The following TFCP2 variants were observed in gnomAD, a reference collection of about 807,000 sequenced individuals.
TFCP2 encodes the protein transcription factor CP2.
TFCP2 carries 33 observed loss-of-function variants against 73.4 expected under a neutral mutation model. That is an observed-to-expected ratio of 0.45 (90% CI 0.34 to 0.60). The LOEUF (loss-of-function observed/expected upper bound fraction) is 0.60, where lower values mean the gene tolerates loss of function less well. Among genes scored for constraint, TFCP2 ranks in the 20% least tolerant of loss-of-function variants. The probability of loss-of-function intolerance (pLI) is 0.01; values close to 1 mark genes in which losing one functional copy is unlikely to be tolerated. For synonymous variants in TFCP2, 193 were observed against 211.6 expected (o/e 0.91, Z 0.76); for missense variants, 352 against 604.0 (o/e 0.58, Z 4.37).
intron 1 of TFCP2, among the ~76,000 whole-genome samples, chr12:51,160,404 G>C (rs1197662381): frequency 1.3e-5 from 2 of 151,908 alleles, no homozygotes; most frequent in African/African-American, 2.4e-5. Flanking sequence ...CAAAGGGCTG[G>C]GATTATAGGC....
chr12:51,142,545 G>A (rs1941216532), intron 1 of TFCP2, among the ~76,000 whole-genome samples: 1 of 151,900 alleles, frequency 6.6e-6, no homozygotes, highest in African/African-American at 2.4e-5. Context: ...CCTCCTCCTG[G>A]GAAAGGCTAA....
At chr12:51,140,445 C>CTTTTTTTTTTTTTTTTTTTTTTTTTTTT (rs768526922) in intron 1 of TFCP2, among the ~76,000 whole-genome samples, 55 of 88,034 alleles carry the variant, frequency 6.2e-4, no homozygotes, top group South Asian at 9.3e-4. Context: ...TTTTCTTTTT[C>CTTTTTTTTTTTTTTTTTTTTTTTTTTTT]TTTTTTTTTT....
At chr12:51,099,511 A>T in intron 12 of TFCP2, 144 bp downstream of exon 12, 1 of 1,115,114 alleles carries the variant, frequency 9.0e-7, no homozygotes, top group Non-Finnish European at 1.3e-6. Context: ...CCTGCCATGT[A>T]TTAGGAACTT....
rs550590504 is a variant in TFCP2, at chr12:51,127,036, T to C, written c.123-8264A>G. Among the ~76,000 whole-genome samples the C allele has an allele frequency of 7.9e-5, 12 of 152,306 alleles. No homozygotes were observed. The East Asian group carries it at 1.3e-3, about 17-fold the overall frequency. ...TCTCATTCAACTAAAAAGCAGCATA[T>C]ATGATTTTTAAAATTTGCCTTGCTA... On this transcript the variant is annotated intron_variant, in intron 1 of 14. Transcript: ENST00000257915.
At chr12:51,158,189 A>G (rs988704651) in intron 1 of TFCP2, among the ~76,000 whole-genome samples, 3 of 151,344 alleles carry the variant, frequency 2.0e-5, no homozygotes, top group African/African-American at 7.3e-5. Context: ...TCCTTCTTTT[A>G]TTATTTTTTG....
chr12:51,119,342 GAC>G (rs1313430775), intron 1 of TFCP2, among the ~76,000 whole-genome samples: 1 of 152,150 alleles, frequency 6.6e-6, no homozygotes, highest in Non-Finnish European at 1.5e-5. Context: ...GCAAACCAAA[GAC>G]ACATACCCAT....
chr12:51,131,478 T>C (rs978987040), intron 1 of TFCP2, among the ~76,000 whole-genome samples: 2 of 152,076 alleles, frequency 1.3e-5, no homozygotes, highest in African/African-American at 4.8e-5. Flanking sequence ...TTCCTAAAAA[T>C]GGTATTCTTG....
chr12:51,139,165 T>C (rs1311031196), intron 1 of TFCP2, among the ~76,000 whole-genome samples: 1 of 152,186 alleles, frequency 6.6e-6, no homozygotes, highest in Non-Finnish European at 1.5e-5. Context: ...TTTTTATCAT[T>C]ATCCTCTAAC....
At chr12:51,157,783 T>C (rs1172728402) in intron 1 of TFCP2, among the ~76,000 whole-genome samples, 2 of 142,180 alleles carry the variant, frequency 1.4e-5, no homozygotes, top group Non-Finnish European at 3.0e-5. Context: ...GCCTGCCTCC[T>C]GGGTTCATGC....
chr12:51,153,728 C>A (rs917562605), intron 1 of TFCP2, among the ~76,000 whole-genome samples: 1 of 152,178 alleles, frequency 6.6e-6, no homozygotes, highest in Admixed American at 6.6e-5. Context: ...ACATCAGAAT[C>A]TCCTTCCTTT....
chr12:51,099,670 T>A lies in TFCP2; in HGVS notation c.1261A>T (p.Asn421Tyr). 1.2e-6 allele frequency: 2 copies of A among 1,614,166 alleles called. No homozygotes were observed. The highest frequency in any genetic ancestry group is 1.7e-6 in the Non-Finnish European group (2 of 1,180,026). The change falls in exon 12 of 15, where the codon AAT becomes TAT. Residue 421 changes from asparagine (N) to tyrosine (Y), a missense_variant. Physicochemically the swap from Asn to Tyr is moderately radical, Grantham distance 143 (BLOSUM62 -2). Coordinates refer to ENST00000257915, the MANE Select transcript of TFCP2 (RefSeq NM_005653.5). The stretch of plus-strand genomic sequence containing the variant: ...AACAACCTACCGAAGAAAGTACCAT[T>A]TGAGTCTCCATCCTCATGCTTCTGC... ...QQQKHEDGDS[N>Y]GTFFVYHAIY...
intron 11 of TFCP2, among the ~76,000 whole-genome samples, chr12:51,100,772 T>C (rs1940091731): frequency 6.6e-6 from 1 of 152,030 alleles, no homozygotes; most frequent in Non-Finnish European, 1.5e-5. Context: ...CATGATTGCA[T>C]TGCTGCACTC....
chr12:51,116,170 AT>A, intron 4 of TFCP2, 144 bp downstream of exon 4: 1 of 424,562 alleles, frequency 2.4e-6, no homozygotes, highest in Non-Finnish European at 4.2e-6. Context: ...ATTACTTAAA[AT>A]TTTTTATGCT....
At chr12:51,127,035 A>G (rs1159383469) in intron 1 of TFCP2, among the ~76,000 whole-genome samples, 1 of 152,224 alleles carries the variant, frequency 6.6e-6, no homozygotes, top group Non-Finnish European at 1.5e-5. Flanking sequence ...AAAGCAGCAT[A>G]TATGATTTTT....
At chr12:51,110,856 A>G (rs771277412) in intron 5 of TFCP2, 21 bp downstream of exon 5, 4 of 1,523,682 alleles carry the variant, frequency 2.6e-6, no homozygotes, top group Non-Finnish European at 3.6e-6. Context: ...CAAAACTGGA[A>G]CCCTATCTGC....
intron 1 of TFCP2, among the ~76,000 whole-genome samples, chr12:51,134,174 G>A (rs538151310): frequency 2.6e-5 from 4 of 152,232 alleles, no homozygotes; most frequent in South Asian, 2.1e-4. Flanking sequence ...AACACCATTC[G>A]TATTAGGTAA....
At chr12:51,139,333 C>T (rs903574248) in intron 1 of TFCP2, among the ~76,000 whole-genome samples, 3 of 152,116 alleles carry the variant, frequency 2.0e-5, no homozygotes, top group Non-Finnish European at 4.4e-5. Context: ...CCTTTTCAGT[C>T]TCATCTCTCA....
At chr12:51,131,388 G>A (rs1003141449) in intron 1 of TFCP2, among the ~76,000 whole-genome samples, 1 of 149,754 alleles carries the variant, frequency 6.7e-6, no homozygotes, top group Non-Finnish European at 1.5e-5. Context: ...TAAAGGTATA[G>A]ATAACATCTA....
chr12:51,152,486 G>A (rs1448872020), intron 1 of TFCP2, among the ~76,000 whole-genome samples: 1 of 152,128 alleles, frequency 6.6e-6, no homozygotes, highest in Non-Finnish European at 1.5e-5. Context: ...ATAGATTATA[G>A]CATTGTGTCA....
Sources: gnomAD v4.1 joint callset for allele counts (sites outside exome capture counted in the v4.1 genomes callset) on GRCh38, gnomAD v4.1.1 for gene constraint, MANE v1.5 for transcripts, NCBI Gene and HGNC (gene_info 2026-07-23, HGNC 2026-07-21) for gene names.